The following PPP2R3B variants were observed in gnomAD, a reference collection of about 807,000 sequenced individuals.
The protein encoded by PPP2R3B is protein phosphatase 2 regulatory subunit B''beta, also known as serine/threonine-protein phosphatase 2A regulatory subunit B'' subunit beta.
In PPP2R3B, 68 loss-of-function variants were observed where a neutral mutation model predicts 72.9. The observed-to-expected ratio is 0.93, with a 90% confidence interval of 0.77 to 1.14. The LOEUF is 1.14. Among genes scored for constraint, PPP2R3B ranks in the 50% most tolerant of loss-of-function variants. The pLI is 0.00. For missense variants in PPP2R3B, 1,018 were observed against 842.0 expected, an observed-to-expected ratio of 1.21 and a Z score of -2.59; for synonymous variants, 466 against 375.8, an observed-to-expected ratio of 1.24 and a Z score of -2.78.
chrX:363,826 T>C (rs183258846), intron 1 of PPP2R3B, among the ~76,000 whole-genome samples: 5 of 152,324 alleles, frequency 3.3e-5, no homozygotes, highest in Non-Finnish European at 5.9e-5. Flanking sequence ...GCTCTGCTAT[T>C]TGGGGTACGG....
In PPP2R3B at chrX:346,229, C is replaced by G. The variant is rs766825759; in HGVS notation, c.824G>C (p.Arg275Pro). ...GCAGGTGATCCTGCCGGACCAGGACCGGTTCACGGCGTAGAAGATCCGCTG... is the reference window on the plus strand; with the variant it reads ...GCAGGTGATCCTGCCGGACCAGGACGGGTTCACGGCGTAGAAGATCCGCTG... ...VIQRIFYAVN[R>P]SWSGRITCAE... is the part of the protein sequence containing the mutation. The change falls in exon 6 of 13, where the codon CGG becomes CCG. Residue 275 changes from arginine to proline, a missense_variant. Physicochemically the swap from Arg to Pro is moderately radical, Grantham distance 103. Coordinates refer to ENST00000390665, the MANE Select transcript of PPP2R3B (RefSeq NM_013239.5). The G allele has an allele frequency of 3.8e-6, 6 of 1,572,258 alleles. No individual in the cohort carries two copies. Among genetic ancestry groups the G allele is most frequent in the East Asian group, 2.4e-5 (1 of 42,218 alleles).
At chrX:338,478 G>T in intron 12 of PPP2R3B, 126 bp downstream of exon 12, 1 of 951,622 alleles carries the variant, frequency 1.1e-6, no homozygotes, top group Non-Finnish European at 1.6e-6. Context: ...CTGTGTCCGC[G>T]CACCCCACCT....
chrX:347,004 G>A (rs1002763019), intron 4 of PPP2R3B, among the ~76,000 whole-genome samples: 6 of 143,548 alleles, frequency 4.2e-5, no homozygotes, highest in Admixed American at 2.8e-4. Flanking sequence ...GTGTAGACGC[G>A]GACCCTCCCG....
rs185541330 is a variant in PPP2R3B at position 351,500 on chromosome X, G to A, written c.511-3807C>T. ...TATAGCGTCTCATGTGTCCAGACCTGCAGGCTGGAGTGCAGTGTGTGATCA... is the reference window on the plus strand; with the variant it reads ...TATAGCGTCTCATGTGTCCAGACCTACAGGCTGGAGTGCAGTGTGTGATCA... On this transcript the variant is annotated intron_variant, in intron 2 of 12. Coordinates refer to ENST00000390665, the MANE Select transcript of PPP2R3B (RefSeq NM_013239.5). 2.2e-3 allele frequency among the ~76,000 whole-genome samples: 336 copies of A among 152,262 alleles called. 1 individual carries two copies. Among genetic ancestry groups the A allele is most frequent in the African/African-American group, 7.8e-3 (325 of 41,562 alleles).
intron 2 of PPP2R3B, among the ~76,000 whole-genome samples, chrX:359,018 GAGGGGAATA>G (rs1273894298): frequency 6.6e-6 from 1 of 152,200 alleles, no homozygotes; most frequent in Non-Finnish European, 1.5e-5. Context: ...GGGAAGCACT[GAGGGGAATA>G]CATGGGTCCC....
intron 1 of PPP2R3B, among the ~76,000 whole-genome samples, chrX:374,336 C>G (rs1332002414): frequency 6.6e-6 from 1 of 152,186 alleles, no homozygotes; most frequent in African/African-American, 2.4e-5. Flanking sequence ...CAAACACGCA[C>G]GGCAGCCCAG....
chrX:381,393 C>T (rs1423745796), intron 1 of PPP2R3B, among the ~76,000 whole-genome samples: 6 of 151,992 alleles, frequency 3.9e-5, no homozygotes, highest in Non-Finnish European at 8.8e-5. Flanking sequence ...GTTCAATGGA[C>T]CTAGCGTGAA....
chrX:357,098 A>G (rs991283685), intron 2 of PPP2R3B, among the ~76,000 whole-genome samples: 2 of 152,122 alleles, frequency 1.3e-5, no homozygotes, highest in Non-Finnish European at 2.9e-5. Flanking sequence ...CACAGACAAA[A>G]TGCTCCAAGA....
At chrX:373,437 G>GCGAGCGGGGGCC (rs1414354183) in intron 1 of PPP2R3B, 1 of 152,278 alleles carries the variant, frequency 6.6e-6, no homozygotes, top group Non-Finnish European at 1.5e-5. Flanking sequence ...GCCAGCAGCG[G>GCGAGCGGGGGCC]CGAGCGGGGG....
At position 386,620 on chromosome X, in the gene PPP2R3B, G is replaced by C; in HGVS notation, c.72C>G (p.Ser24Arg). 6.9e-7 allele frequency: 1 copy of C among 1,449,606 alleles called. No individual in the cohort carries two copies. The highest frequency in any genetic ancestry group is 9.1e-7 in the Non-Finnish European group (1 of 1,102,330). The allele number at this position is 1,449,606 out of a possible 1,614,324, so 89.8% of individuals were successfully genotyped here. ...GCAGCATCCGCTGCGTGCTGGCCTC[G>C]CTGAGCCAGTACAGGAACAGCTCGT... ...KVDELFLYWL[S>R]EASTQRMLQD... is the part of the protein sequence containing the mutation. The change falls in exon 1 of 13, where the codon AGC becomes AGG. Residue 24 changes from serine to arginine, a missense_variant. By Grantham distance (110) the Ser-to-Arg change is moderately radical. Transcript: ENST00000390665.
Position 386,516 on chromosome X carries a change from G to T in PPP2R3B, c.176C>A (p.Pro59His). ...PGDGEQPGAWPTAPLAAPRPS... is the reference protein window; with the variant it reads ...PGDGEQPGAWHTAPLAAPRPS... ...CCGGGGGGCGGCGAGCGGGGCTGTG[G>T]GCCAGGCCCCGGGCTGCTCCCCGTC... is the stretch of plus-strand genomic sequence containing the variant. The change falls in exon 1 of 13, where the codon CCC becomes CAC. Residue 59 changes from proline (P) to histidine (H), a missense_variant. By Grantham distance (77) the Pro-to-His change is moderately conservative. Transcript: ENST00000390665. 1 of 1,360,518 alleles carries T rather than the reference G, an allele frequency of 7.4e-7. No homozygotes were observed. The highest frequency in any genetic ancestry group is 9.5e-7 in the Non-Finnish European group (1 of 1,052,674). 84.3% of individuals were successfully genotyped at this position (1,360,518 alleles called of 1,614,324 possible).
intron 2 of PPP2R3B, among the ~76,000 whole-genome samples, chrX:348,343 AG>A (rs1302245904): frequency 6.6e-6 from 1 of 152,050 alleles, no homozygotes; most frequent in African/African-American, 2.4e-5. Context: ...TAGGAGGCCG[AG>A]GGGGGTGGAT....
At chrX:336,105 G>A (rs2070882041) in intron 12 of PPP2R3B, 3 of 152,164 alleles carry the variant, frequency 2.0e-5, no homozygotes, top group African/African-American at 7.2e-5. Context: ...CAGGTGGAGG[G>A]TGCAGTGAGC....
intron 1 of PPP2R3B, among the ~76,000 whole-genome samples, chrX:373,004 T>G (rs1434737267): frequency 1.3e-5 from 2 of 152,196 alleles, no homozygotes; most frequent in Non-Finnish European, 2.9e-5. Flanking sequence ...TAGTCCGGTA[T>G]GTGAGTGATA....
intron 1 of PPP2R3B, chrX:373,577 G>A (rs1472679888): frequency 1.7e-5 from 5 of 288,634 alleles, no homozygotes; most frequent in East Asian, 1.6e-4. Flanking sequence ...AGGGCAGCAC[G>A]AAGTCGCAGC....
rs772054012 is a variant in PPP2R3B at position 384,841 on chromosome X, C to T, written c.324+1527G>A. ...CTCTACTAAAAATACAAAAATTAGCCGGGGGTGGTGGTGTGCGCCTGTAAT... is the reference window on the plus strand; with the variant it reads ...CTCTACTAAAAATACAAAAATTAGCTGGGGGTGGTGGTGTGCGCCTGTAAT... On this transcript the variant is annotated intron_variant, in intron 1 of 12. Coordinates refer to ENST00000390665, the MANE Select transcript of PPP2R3B (RefSeq NM_013239.5). Among the ~76,000 whole-genome samples, 263 of 151,802 alleles carry T rather than the reference C, an allele frequency of 1.7e-3. 2 individuals are homozygous for T. Among genetic ancestry groups the T allele is most frequent in the African/African-American group, 6.0e-3 (250 of 41,378 alleles).
At chrX:369,501 C>T (rs2071808028) in intron 1 of PPP2R3B, among the ~76,000 whole-genome samples, 1 of 152,184 alleles carries the variant, frequency 6.6e-6, no homozygotes, top group Non-Finnish European at 1.5e-5. Context: ...TTTTGCAAAA[C>T]ACGTCCATAT....
chrX:341,292 G>T lies in PPP2R3B; in HGVS notation c.1175+15C>A. 6.2e-7 allele frequency: 1 copy of T among 1,612,096 alleles called. No individual in the cohort carries two copies. Among genetic ancestry groups the T allele is most frequent in the Non-Finnish European group, 8.5e-7 (1 of 1,179,446 alleles). ...CCCTCCACTGGGACAAACGCATGCC[G>T]CAGCAGGAACCCACCTGGTCGGTGT... On this transcript the variant is annotated intron_variant, in intron 9 of 12. Coordinates refer to ENST00000390665, the MANE Select transcript of PPP2R3B (RefSeq NM_013239.5).
chrX:344,123 A>ACGGGAGGCGGGAGGGAGACGTCGCCAG (rs2071140545), intron 7 of PPP2R3B, among the ~76,000 whole-genome samples: 4 of 41,700 alleles, frequency 9.6e-5, no homozygotes, highest in South Asian at 1.0e-3. Flanking sequence ...GACCTCACCA[A>ACGGGAGGCGGGAGGGAGACGTCGCCAG]CGGGAGGCGG....
Sources: gnomAD v4.1 joint callset for allele counts (sites outside exome capture counted in the v4.1 genomes callset) on GRCh38, gnomAD v4.1.1 for gene constraint, MANE v1.5 for transcripts, NCBI Gene and HGNC (gene_info 2026-07-23, HGNC 2026-07-21) for gene names.